LARS1: variants seen among roughly 807,000 people sequenced by gnomAD.
LARS1 encodes leucine--tRNA ligase, cytoplasmic.
A neutral mutation model predicts 162.8 loss-of-function variants in LARS1; 100 were observed. The ratio of observed to expected loss-of-function variants is 0.61; its 90% CI spans 0.52 to 0.73. The LOEUF (loss-of-function observed/expected upper bound fraction) is 0.73. Ranked by LOEUF, LARS1 falls within the 30% of genes least tolerant of loss-of-function variation. The pLI is 0.00. For missense variants in LARS1, 1,258 were observed against 1,408.9 expected (o/e 0.89, Z 1.71); for synonymous variants, 457 against 462.8 (o/e 0.99, Z 0.16).
chr5:146,119,474 A>G (rs960059982), intron 31 of LARS1, among the ~76,000 whole-genome samples: 1 of 152,168 alleles, frequency 6.6e-6, no homozygotes, highest in Non-Finnish European at 1.5e-5. Flanking sequence ...TCTTTTTAGA[A>G]AATTTTTGTA....
At chr5:146,143,948 G>A (rs1009395775) in intron 18 of LARS1, among the ~76,000 whole-genome samples, 40 of 152,158 alleles carry the variant, frequency 2.6e-4, no homozygotes, top group African/African-American at 9.7e-4. Flanking sequence ...GTTGCAGTGA[G>A]CTGAGATCGC....
chr5:146,164,418 T>C lies in LARS1; in HGVS notation c.486A>G (p.Lys162=), dbSNP rs372590611. 1.2e-6 allele frequency: 2 copies of C among 1,613,968 alleles called. No homozygotes were observed. The highest frequency in any genetic ancestry group is 1.7e-6 in the Non-Finnish European group (2 of 1,179,968). The part of the protein sequence containing the change: ...GSSKYQWGIM[K]SLGLSDEEIV... ...TCTCTTCATCAGACAGGCCAAGGGA[T>C]TTCATAATGCCCCACTGGTATTTAG... Residue 162 remains lysine, a synonymous_variant, in exon 6 of 32, where the codon AAA becomes AAG. Transcript: ENST00000394434.
In LARS1 at chr5:146,130,104, C is replaced by T; in HGVS notation, c.2542G>A (p.Val848Met). 2 of 1,613,960 alleles carry T rather than the reference C, an allele frequency of 1.2e-6. No homozygotes were observed. Among genetic ancestry groups the T allele is most frequent in the Non-Finnish European group, 1.7e-6 (2 of 1,179,878 alleles). Residue 848 changes from valine to methionine, a missense_variant, in exon 25 of 32, where the codon GTG becomes ATG. Val to Met is a conservative substitution (Grantham distance 21). Coordinates refer to ENST00000394434, the MANE Select transcript of LARS1 (RefSeq NM_020117.11). ...GTCTGAACTTCAATAAACCGGAACA[C>T]AAGTTCTCTGTGCATCCCTTCCACA... is the stretch of plus-strand genomic sequence containing the variant. ...LAVEGMHREL[V>M]FRFIEVQTLL...
Position 146,143,465 on chromosome 5 carries a change from G to A in LARS1, c.1824C>T (p.His608=). 1 of 1,614,006 alleles carries A rather than the reference G, an allele frequency of 6.2e-7. No individual in the cohort carries two copies. The highest frequency in any genetic ancestry group is 1.1e-5 in the South Asian group (1 of 91,082). Residue 608 remains histidine, a synonymous_variant, in exon 19 of 32, where the codon CAC becomes CAT. Coordinates refer to ENST00000394434, the MANE Select transcript of LARS1 (RefSeq NM_020117.11). The part of the protein sequence containing the change: ...TIYMAFYTVA[H]LLQGGNLHGQ... ...CATGCAAGTTACCCCCCTGCAATAG[G>A]TGTGCAACTGTGTAAAATGCCATGT...
intron 4 of LARS1, among the ~76,000 whole-genome samples, chr5:146,171,488 G>T (rs143530301): frequency 1.3e-5 from 2 of 152,158 alleles, no homozygotes; most frequent in African/African-American, 4.8e-5. Flanking sequence ...TCTTCATTGA[G>T]AATTATTTCT....
intron 31 of LARS1, among the ~76,000 whole-genome samples, chr5:146,118,952 G>A (rs1381383895): frequency 6.6e-6 from 1 of 152,100 alleles, no homozygotes; most frequent in Non-Finnish European, 1.5e-5. Flanking sequence ...CTGATGCTCT[G>A]TACACAGAGA....
chr5:146,177,361 G>T (rs984882373), intron 2 of LARS1, among the ~76,000 whole-genome samples, 186 bp downstream of exon 2: 2 of 150,772 alleles, frequency 1.3e-5, no homozygotes, highest in African/African-American at 2.4e-5. Context: ...AGCTGCTCGG[G>T]AGGCTGAGGC....
At chr5:146,148,231 C>T (rs1753107184) in intron 15 of LARS1, among the ~76,000 whole-genome samples, 1 of 152,260 alleles carries the variant, frequency 6.6e-6, no homozygotes, top group Admixed American at 6.5e-5. Context: ...GGAGATCCAG[C>T]TCAAGAGGAG....
intron 1 of LARS1, among the ~76,000 whole-genome samples, chr5:146,179,363 T>C (rs551196173): frequency 1.3e-5 from 2 of 152,188 alleles, no homozygotes; most frequent in East Asian, 2.0e-4. Context: ...GGTTTCACCA[T>C]GTTGGCCAGG....
At chr5:146,164,624 C>T (rs1408201373) in intron 5 of LARS1, among the ~76,000 whole-genome samples, 153 bp from the exon 6 acceptor site, 1 of 152,136 alleles carries the variant, frequency 6.6e-6, no homozygotes, top group Non-Finnish European at 1.5e-5. Context: ...TTAGTCTGTA[C>T]TAAAAGTACT....
chr5:146,154,170 G>A (rs988568653), intron 10 of LARS1, among the ~76,000 whole-genome samples, 190 bp from the exon 11 acceptor site: 1 of 152,146 alleles, frequency 6.6e-6, no homozygotes, highest in South Asian at 2.1e-4. Flanking sequence ...AAATTGCTGT[G>A]TAGATTTTTT....
At chr5:146,144,983 G>GA (rs975154608) in intron 15 of LARS1, among the ~76,000 whole-genome samples, 12 of 150,294 alleles carry the variant, frequency 8.0e-5, no homozygotes, top group Middle Eastern at 3.4e-3. Context: ...GAACAAAAAG[G>GA]AAAAAAAAAC....
intron 1 of LARS1, among the ~76,000 whole-genome samples, chr5:146,180,774 C>CT (rs1468822049): frequency 1.3e-4 from 20 of 152,150 alleles, no homozygotes; most frequent in Admixed American, 6.6e-5. Context: ...TTTGATCAAT[C>CT]TGAGACTCAA....
intron 30 of LARS1, among the ~76,000 whole-genome samples, chr5:146,121,420 C>T (rs940806464): frequency 1.1e-4 from 17 of 151,988 alleles, no homozygotes; most frequent in African/African-American, 4.8e-5. Flanking sequence ...ACAGAATGTC[C>T]TTCCTCAAGG....
At chr5:146,117,452 A>T (rs566214983) in intron 31 of LARS1, among the ~76,000 whole-genome samples, 1 of 152,270 alleles carries the variant, frequency 6.6e-6, no homozygotes, top group South Asian at 2.1e-4. Flanking sequence ...TCTACTAAAA[A>T]TAGAAAAATT....
intron 12 of LARS1, 45 bp downstream of exon 12, chr5:146,153,689 T>C (rs1239272644): frequency 6.8e-7 from 1 of 1,466,612 alleles, no homozygotes; most frequent in Non-Finnish European, 9.5e-7. Flanking sequence ...ACCTAAGCAA[T>C]GAGATGGTGA....
Position 146,143,403 on chromosome 5 carries a change from T to C in LARS1, c.1877+9A>G. ...AAATTATGCTCCTTTCCCTTATCTG[T>C]TTACCAACCTAATGCCCAGCGGAGA... On this transcript the variant is annotated intron_variant, in intron 19 of 31. Coordinates refer to ENST00000394434, the MANE Select transcript of LARS1 (RefSeq NM_020117.11). 6.2e-7 allele frequency: 1 copy of C among 1,609,180 alleles called. No individual in the cohort carries two copies. Among genetic ancestry groups the C allele is most frequent in the Non-Finnish European group, 8.5e-7 (1 of 1,176,800 alleles).
At position 146,131,238 on chromosome 5, in the gene LARS1, G is replaced by A. The variant is rs543671551; in HGVS notation, c.2397-129C>T. Reference sequence around the variant, plus strand: ...CAAATTTGAAATACTGCTCATTTAAGCAGTAAAATGAGAACAATGCCCAGA... The same window carrying A: ...CAAATTTGAAATACTGCTCATTTAAACAGTAAAATGAGAACAATGCCCAGA... On this transcript the variant is annotated intron_variant, in intron 23 of 31. Transcript: ENST00000394434. 2.6e-5 allele frequency: 14 copies of A among 529,590 alleles called. No homozygotes were observed. In the South Asian group the frequency reaches 2.8e-4, roughly 10 times the overall value. 32.8% of individuals were successfully genotyped at this position (529,590 alleles called of 1,614,324 possible). A position where few individuals can be genotyped will look rare whatever the true frequency, so the allele number is the denominator to read the frequency against.
At chr5:146,175,052 C>G (rs895736597) in intron 2 of LARS1, among the ~76,000 whole-genome samples, 3 of 151,978 alleles carry the variant, frequency 2.0e-5, no homozygotes, top group Non-Finnish European at 4.4e-5. Flanking sequence ...GACCCCATTT[C>G]TACTAAAAAT....
Sources: gnomAD v4.1 joint callset for allele counts (sites outside exome capture counted in the v4.1 genomes callset) on GRCh38, gnomAD v4.1.1 for gene constraint, MANE v1.5 for transcripts, NCBI Gene and HGNC (gene_info 2026-07-23, HGNC 2026-07-21) for gene names.